IP6K3: variants seen among roughly 807,000 people sequenced by gnomAD.
IP6K3 encodes the protein ATP:1D-myo-inositol-hexakisphosphate phosphotransferase.
In IP6K3, 20 loss-of-function variants were observed where a neutral mutation model predicts 28.8. The ratio of observed to expected loss-of-function variants is 0.70; its 90% CI spans 0.49 to 1.01. The LOEUF (loss-of-function observed/expected upper bound fraction) is 1.01, where lower values mean the gene tolerates loss of function less well. Ranked by LOEUF, IP6K3 falls within the 50% of genes least tolerant of loss-of-function variation. The probability of loss-of-function intolerance (pLI) is 0.00; values close to 1 mark genes in which losing one functional copy is unlikely to be tolerated. For synonymous variants in IP6K3, 213 were observed against 221.3 expected (o/e 0.96, Z 0.33); for missense variants, 480 against 537.1 (o/e 0.89, Z 1.05).
chr6:33,735,941 C>T (rs1371532107), intron 1 of IP6K3, among the ~76,000 whole-genome samples: 1 of 152,144 alleles, frequency 6.6e-6, no homozygotes, highest in Non-Finnish European at 1.5e-5. Flanking sequence ...GATCTTGGCT[C>T]ACTGCAGGCT....
rs1028077698 is a variant in IP6K3 at position 33,746,697 on chromosome 6, T to A, written c.-180+61A>T. 3 of 152,052 alleles carry A rather than the reference T, an allele frequency of 2.0e-5. No homozygotes were observed. Among genetic ancestry groups the A allele is most frequent in the African/African-American group, 4.8e-5 (2 of 41,278 alleles). The allele number at this position is 152,052 out of a possible 1,614,324, so 9.4% of individuals were successfully genotyped here. Reference sequence around the variant, plus strand: ...TGTGAACACGAGACCCTCTCTCCCCTCAGTCAGGCCCCGTCAAAGAGGCTG... The same window carrying A: ...TGTGAACACGAGACCCTCTCTCCCCACAGTCAGGCCCCGTCAAAGAGGCTG... On this transcript the variant is annotated intron_variant, in intron 1 of 5. Coordinates refer to ENST00000293756, the MANE Select transcript of IP6K3 (RefSeq NM_054111.5). This position sits in a 1 kb window ranked among gnomAD's most constrained non-coding sequence, Gnocchi z 6.5.
the IP6K3 span, among the ~76,000 whole-genome samples, chr6:33,754,101 G>A: frequency 1.3e-5 from 2 of 152,170 alleles, no homozygotes; most frequent in African/African-American, 2.4e-5. Flanking sequence ...GAGCCACCGC[G>A]CCCGGTGGCC....
intron 3 of IP6K3, 164 bp downstream of exon 3, chr6:33,727,922 AT>A (rs1766176326): frequency 1.0e-6 from 1 of 985,254 alleles, no homozygotes; most frequent in Non-Finnish European, 1.2e-6. Context: ...AAGAAAATCC[AT>A]TCCTTTCTTT....
rs1409104874 is a variant in IP6K3, at chr6:33,738,689, A to G, written c.-179-3034T>C. Among the ~76,000 whole-genome samples the G allele has an allele frequency of 3.3e-5, 5 of 152,194 alleles. No homozygotes were observed. In the East Asian group the frequency reaches 9.6e-4, roughly 29 times the overall value. ...ATTTGAACCCAGGCATGGTAGCCCC[A>G]GAGTGTGCGTCCCGGCCACACTGCA... On this transcript the variant is annotated intron_variant, in intron 1 of 5. Transcript: ENST00000293756.
At chr6:33,752,107 G>A in the IP6K3 span, among the ~76,000 whole-genome samples, 1 of 152,146 alleles carries the variant, frequency 6.6e-6, no homozygotes, top group Non-Finnish European at 1.5e-5. Flanking sequence ...CAGTGCTCAA[G>A]AAGTCAGGTT....
At position 33,722,915 on chromosome 6, in the gene IP6K3, G is replaced by C. The variant is rs375114410; in HGVS notation, c.1038C>G (p.His346Gln). ...PERAPGSPHP[H>Q]EAPQAAHGSS... ...TACCGTGGGCTGCCTGGGGAGCCTC[G>C]TGAGGATGCGGGCTGCCTGGGGCTC... Residue 346 changes from histidine (H) to glutamine (Q), a missense_variant, in exon 6 of 6, where the codon CAC becomes CAG. By Grantham distance (24) the His-to-Gln change is conservative. Coordinates refer to ENST00000293756, the MANE Select transcript of IP6K3 (RefSeq NM_054111.5). 1 of 1,614,002 alleles carries C rather than the reference G, an allele frequency of 6.2e-7. No homozygotes were observed. Among genetic ancestry groups the C allele is most frequent in the Non-Finnish European group, 8.5e-7 (1 of 1,179,988 alleles).
chr6:33,732,360 C>T (rs1317192666), intron 2 of IP6K3, among the ~76,000 whole-genome samples: 31 of 152,198 alleles, frequency 2.0e-4, no homozygotes, highest in Admixed American at 2.0e-3. Context: ...CAGAAATGGC[C>T]CCTCTCAGTG....
chr6:33,754,783 A>AG, the IP6K3 span, among the ~76,000 whole-genome samples: 1 of 152,216 alleles, frequency 6.6e-6, no homozygotes, highest in African/African-American at 2.4e-5. Flanking sequence ...CCTGGTGGCG[A>AG]GAGCAGGGGT....
the IP6K3 span, among the ~76,000 whole-genome samples, chr6:33,754,251 C>T: frequency 6.6e-6 from 1 of 151,978 alleles, no homozygotes; most frequent in Non-Finnish European, 1.5e-5. Flanking sequence ...GGGGGTTGGA[C>T]TTTCAGACGT....
At chr6:33,756,419 G>A in the IP6K3 span, among the ~76,000 whole-genome samples, 1 of 152,138 alleles carries the variant, frequency 6.6e-6, no homozygotes, top group African/African-American at 2.4e-5. Context: ...AGGCCAGTGT[G>A]GCTGGAGCAG....
At chr6:33,751,628 C>T (rs2080397867), upstream of IP6K3, among the ~76,000 whole-genome samples, 1 of 152,088 alleles carries the variant, frequency 6.6e-6, no homozygotes, top group Non-Finnish European at 1.5e-5. This position sits in a 1 kb window ranked among gnomAD's most constrained non-coding sequence, Gnocchi z 4.3. Flanking sequence ...GAGCTCTTCA[C>T]ACACTTTATC....
intron 3 of IP6K3, among the ~76,000 whole-genome samples, chr6:33,727,602 A>T (rs1766165426): frequency 1.3e-5 from 2 of 152,044 alleles, no homozygotes; most frequent in South Asian, 4.1e-4. Context: ...TTTGATAGGG[A>T]CCTCAGGCAC....
At position 33,735,368 on chromosome 6, in the gene IP6K3, G is replaced by A. The variant is rs200080644; in HGVS notation, c.109C>T (p.His37Tyr). 2.9e-5 allele frequency: 46 copies of A among 1,606,546 alleles called. No homozygotes were observed. Among genetic ancestry groups the A allele is most frequent in the Middle Eastern group, 1.7e-4 (1 of 6,014 alleles). The change falls in exon 2 of 6, where the codon CAT becomes TAT. Residue 37 changes from histidine (H) to tyrosine (Y), a missense_variant. His to Tyr is a moderately conservative substitution (Grantham distance 83). Coordinates refer to ENST00000293756, the MANE Select transcript of IP6K3 (RefSeq NM_054111.5). ...GAGACGAGGGGCTTGCACACCGTAT[G>A]CTCGTCATACTTCATCACGCTCATG... ...GHMSVMKYDE[H>Y]TVCKPLVSRE...
At chr6:33,728,435 A>G in intron 2 of IP6K3, 135 bp from the exon 3 acceptor site, 5 of 783,726 alleles carry the variant, frequency 6.4e-6, no homozygotes, top group Non-Finnish European at 1.0e-5. Flanking sequence ...CTCCTCTCTC[A>G]AGGAAGAGCT....
At chr6:33,751,995 A>G in the IP6K3 span, among the ~76,000 whole-genome samples, 1 of 152,144 alleles carries the variant, frequency 6.6e-6, no homozygotes, top group Non-Finnish European at 1.5e-5. The surrounding 1 kb of genome is among the most constrained non-coding windows in gnomAD (Gnocchi z 4.3). Flanking sequence ...CCCCCAGACC[A>G]CACCACATCT....
intron 4 of IP6K3, among the ~76,000 whole-genome samples, chr6:33,726,054 G>A (rs1425852776): frequency 1.3e-5 from 2 of 152,230 alleles, no homozygotes; most frequent in Non-Finnish European, 2.9e-5. Flanking sequence ...TTTCAGTGGA[G>A]TAATTATCCT....
chr6:33,758,837 G>A, the IP6K3 span, among the ~76,000 whole-genome samples: 3 of 152,166 alleles, frequency 2.0e-5, no homozygotes, highest in East Asian at 1.9e-4. Context: ...GACCTCAAGG[G>A]ATCCACCTGC....
At chr6:33,725,407 T>A (rs965974372) in intron 5 of IP6K3, 34 bp downstream of exon 5, 2 of 1,583,768 alleles carry the variant, frequency 1.3e-6, no homozygotes, top group Non-Finnish European at 1.7e-6. Context: ...CGTGCCGGGA[T>A]GTCCCCCCCT....
rs560991962 is a variant in IP6K3, at chr6:33,736,474, G to A, written c.-179-819C>T. The stretch of plus-strand genomic sequence containing the variant: ...GGCTGGAGTGCAGTGGTGTGATCTC[G>A]GCTCACTGCAACTTTTGCCTCCCGG... On this transcript the variant is annotated intron_variant, in intron 1 of 5. Transcript: ENST00000293756. Among the ~76,000 whole-genome samples the A allele has an allele frequency of 1.6e-3, 244 of 151,918 alleles. 2 individuals are homozygous for A. Among genetic ancestry groups the A allele is most frequent in the African/African-American group, 5.7e-3 (234 of 41,394 alleles).
Sources: gnomAD v4.1 joint callset for allele counts (sites outside exome capture counted in the v4.1 genomes callset) on GRCh38, gnomAD v4.1.1 for gene constraint, Gnocchi (gnomAD v3.1) non-coding constraint, MANE v1.5 for transcripts, NCBI Gene and HGNC (gene_info 2026-07-23, HGNC 2026-07-21) for gene names.